PRKCB: variants seen among roughly 807,000 people sequenced by gnomAD.
PRKCB encodes the protein protein kinase C beta type.
A neutral mutation model predicts 81.5 loss-of-function variants in PRKCB; 13 were observed. The ratio of observed to expected loss-of-function variants is 0.16; its 90% CI spans 0.10 to 0.25. The LOEUF is 0.25. Among genes scored for constraint, PRKCB ranks in the 10% least tolerant of loss-of-function variants. The pLI is 1.00. For missense variants in PRKCB, 509 were observed against 875.7 expected, an observed-to-expected ratio of 0.58 and a Z score of 5.29; for synonymous variants, 335 against 321.4, an observed-to-expected ratio of 1.04 and a Z score of -0.45.
chr16:23,925,430 C>T (rs558399994), intron 2 of PRKCB, among the ~76,000 whole-genome samples: 99 of 152,118 alleles, frequency 6.5e-4, no homozygotes, highest in African/African-American at 2.3e-3. Flanking sequence ...ACCCTCCTCT[C>T]GTTAACCAGG....
intron 16 of PRKCB, among the ~76,000 whole-genome samples, chr16:24,197,592 C>A (rs1967898279): frequency 6.6e-6 from 1 of 152,202 alleles, no homozygotes; most frequent in Non-Finnish European, 1.5e-5. Flanking sequence ...CAAGAAATAA[C>A]ATGTTCTGAC....
chr16:24,175,100 A>G (rs1967507192), intron 12 of PRKCB, among the ~76,000 whole-genome samples: 1 of 152,158 alleles, frequency 6.6e-6, no homozygotes, highest in Non-Finnish European at 1.5e-5. Context: ...TCATAGCTGC[A>G]TGAGTCATAC....
At chr16:24,009,931 C>T (rs11861509) in intron 3 of PRKCB, among the ~76,000 whole-genome samples, 44,782 of 151,896 alleles carry the variant, frequency 0.29, 6,719 homozygotes, top group African/African-American at 0.32. Context: ...GCAGGAGAAT[C>T]GCTTGAGGTT....
intron 5 of PRKCB, among the ~76,000 whole-genome samples, chr16:24,038,696 A>G (rs1965657471): frequency 6.6e-6 from 1 of 152,250 alleles, no homozygotes; most frequent in Non-Finnish European, 1.5e-5. Context: ...ATTTTGTTCC[A>G]GTGATTTATT....
At chr16:23,982,093 T>TC (rs1276116866) in intron 2 of PRKCB, among the ~76,000 whole-genome samples, 2 of 56,614 alleles carry the variant, frequency 3.5e-5, no homozygotes, top group African/African-American at 1.6e-4. Flanking sequence ...CCCTTCCCTT[T>TC]CCTTTTCCCT....
At chr16:23,944,804 A>G (rs1424791159) in intron 2 of PRKCB, among the ~76,000 whole-genome samples, 1 of 152,248 alleles carries the variant, frequency 6.6e-6, no homozygotes, top group Non-Finnish European at 1.5e-5. Context: ...CCCTAGGTCA[A>G]TCTTCCAAAA....
chr16:24,128,375 AAAC>A (rs61430133), intron 9 of PRKCB, among the ~76,000 whole-genome samples: 5 of 151,934 alleles, frequency 3.3e-5, no homozygotes, highest in East Asian at 1.9e-4. Flanking sequence ...ACACTGTCTC[AAAC>A]AACAACAACA....
chr16:24,109,501 A>T (rs1226876326), intron 7 of PRKCB, among the ~76,000 whole-genome samples: 2 of 109,864 alleles, frequency 1.8e-5, no homozygotes, highest in Non-Finnish European at 3.6e-5. Context: ...CCCACATCTC[A>T]GACGATGGGC....
chr16:24,202,760 T>C (rs1377513825), intron 16 of PRKCB, among the ~76,000 whole-genome samples: 1 of 152,244 alleles, frequency 6.6e-6, no homozygotes, highest in Non-Finnish European at 1.5e-5. Context: ...TATCTGCTTA[T>C]CTAACTCTAC....
chr16:24,076,191 G>A (rs1966174788), intron 5 of PRKCB, among the ~76,000 whole-genome samples: 1 of 152,214 alleles, frequency 6.6e-6, no homozygotes, highest in Non-Finnish European at 1.5e-5. Flanking sequence ...TGGTGTGAGG[G>A]AAAGGGGAGT....
chr16:23,837,508 T>G, intron 2 of PRKCB, 102 bp downstream of exon 2: 1 of 1,425,218 alleles, frequency 7.0e-7, no homozygotes, highest in Non-Finnish European at 9.6e-7. Flanking sequence ...AGAATCACGT[T>G]GGTCGGAGTG....
At chr16:24,052,728 G>A (rs897900841) in intron 5 of PRKCB, among the ~76,000 whole-genome samples, 1 of 152,204 alleles carries the variant, frequency 6.6e-6, no homozygotes, top group Non-Finnish European at 1.5e-5. Flanking sequence ...CAGCAAAGAC[G>A]ACCAGACGTC....
At chr16:23,939,702 T>A (rs914063585) in intron 2 of PRKCB, among the ~76,000 whole-genome samples, 4 of 152,190 alleles carry the variant, frequency 2.6e-5, no homozygotes, top group African/African-American at 9.7e-5. Context: ...AAAAATTAAC[T>A]CAAAATTGAT....
intron 2 of PRKCB, among the ~76,000 whole-genome samples, chr16:23,871,434 CCT>C (rs1962902155): frequency 6.6e-6 from 1 of 152,178 alleles, no homozygotes; most frequent in South Asian, 2.1e-4. Flanking sequence ...CGTTCCTGCC[CCT>C]GTCCCCCTCT....
At chr16:23,872,012 T>C (rs1331385342) in intron 2 of PRKCB, among the ~76,000 whole-genome samples, 2 of 152,208 alleles carry the variant, frequency 1.3e-5, no homozygotes, top group African/African-American at 4.8e-5. Flanking sequence ...GAATGGTGGC[T>C]GGCACTCAGG....
At chr16:24,071,284 A>T (rs1018230628) in intron 5 of PRKCB, among the ~76,000 whole-genome samples, 1 of 151,900 alleles carries the variant, frequency 6.6e-6, no homozygotes, top group Admixed American at 6.6e-5. Context: ...GAGGAGCCTG[A>T]GCTACCTCTT....
intron 2 of PRKCB, among the ~76,000 whole-genome samples, chr16:23,923,450 GA>G (rs1414056844): frequency 6.6e-6 from 1 of 152,032 alleles, no homozygotes; most frequent in Non-Finnish European, 1.5e-5. Context: ...TAGGGCCAGT[GA>G]AAAAGCAATG....
chr16:24,197,751 A>G (rs769545112), intron 16 of PRKCB, among the ~76,000 whole-genome samples: 3 of 152,160 alleles, frequency 2.0e-5, no homozygotes, highest in African/African-American at 7.2e-5. Flanking sequence ...TGGCATCCTC[A>G]GGTCCTCCCC....
In PRKCB at chr16:24,219,188, T is replaced by TA. The variant is rs139806286; in HGVS notation, c.*4373dup. On this transcript the variant is annotated 3_prime_UTR_variant, in exon 17 of 17. Transcript: ENST00000643927. The stretch of plus-strand genomic sequence containing the variant: ...GGGGTTAATTTCTTCTCCACCTCCC[T>TA]ACTGAACAAAAAAAGAAATGCCAGA... 0.16 allele frequency: 154,301 copies of TA among 985,308 alleles called. 12,681 individuals carry two copies. Among genetic ancestry groups the TA allele is most frequent in the Non-Finnish European group, 0.17 (139,298 of 829,928 alleles). 61.0% of individuals were successfully genotyped at this position (985,308 alleles called of 1,614,324 possible).
Sources: allele counts gnomAD v4.1 joint callset (sites outside exome capture counted in the v4.1 genomes callset), GRCh38; gene constraint gnomAD v4.1.1; transcripts MANE v1.5; gene names NCBI Gene and HGNC (gene_info 2026-07-23, HGNC 2026-07-21).